Variants in CPVL observed in about 807,000 individuals in gnomAD.
CPVL encodes the protein carboxypeptidase vitellogenic like, also known as probable serine carboxypeptidase CPVL.
Under a neutral mutation model 63.7 loss-of-function variants are expected in CPVL, and 51 were observed. That is an observed-to-expected ratio of 0.80 (90% CI 0.64 to 1.01). CPVL has a LOEUF of 1.01. Ranked by LOEUF, CPVL falls within the 50% of genes least tolerant of loss-of-function variation. CPVL has a pLI of 0.00. For synonymous variants in CPVL, 195 were observed against 206.0 expected, an observed-to-expected ratio of 0.95 and a Z score of 0.46; for missense variants, 530 against 573.1, an observed-to-expected ratio of 0.92 and a Z score of 0.77.
At chr7:29,140,067 T>C (rs1372644217) in intron 1 of CPVL, among the ~76,000 whole-genome samples, 3 of 152,142 alleles carry the variant, frequency 2.0e-5, no homozygotes, top group Non-Finnish European at 2.9e-5. Flanking sequence ...CATATGAGCT[T>C]TTCCCTAGCC....
At chr7:29,049,694 C>G (rs1367262930) in intron 11 of CPVL, among the ~76,000 whole-genome samples, 1 of 151,976 alleles carries the variant, frequency 6.6e-6, no homozygotes, top group African/African-American at 2.4e-5. Flanking sequence ...ATACCAAAAC[C>G]AGGAAAGGAC....
chr7:29,058,894 C>T (rs1791004386), intron 11 of CPVL, among the ~76,000 whole-genome samples: 1 of 151,898 alleles, frequency 6.6e-6, no homozygotes, highest in Admixed American at 6.6e-5. Context: ...TTTGTTTTGG[C>T]ATTTATCTGA....
At chr7:29,070,245 GA>G (rs370561849) in intron 9 of CPVL, among the ~76,000 whole-genome samples, 81 of 152,242 alleles carry the variant, frequency 5.3e-4, no homozygotes, top group African/African-American at 1.9e-3. Flanking sequence ...CATTATCTCT[GA>G]ATACACAACA....
intron 5 of CPVL, among the ~76,000 whole-genome samples, chr7:29,094,209 C>T (rs531195742): frequency 2.0e-4 from 30 of 152,106 alleles, no homozygotes; most frequent in South Asian, 1.5e-3. Context: ...GGCATGGTGG[C>T]GCAAGTCTGT....
intron 11 of CPVL, among the ~76,000 whole-genome samples, chr7:29,039,499 A>C (rs958264339): frequency 1.3e-5 from 2 of 152,234 alleles, no homozygotes; most frequent in African/African-American, 4.8e-5. Context: ...AGGTGAAAAA[A>C]GAACTCTGTG....
At chr7:29,046,568 C>T (rs1484835996) in intron 11 of CPVL, among the ~76,000 whole-genome samples, 1 of 6,912 alleles carries the variant, frequency 1.4e-4, no homozygotes, top group South Asian at 2.5e-3. Flanking sequence ...TGCGCGCGTG[C>T]ACACACACAC....
At chr7:29,042,458 A>T (rs1343031669) in intron 11 of CPVL, among the ~76,000 whole-genome samples, 1 of 152,054 alleles carries the variant, frequency 6.6e-6, no homozygotes. Flanking sequence ...TAAAAAAATC[A>T]GCCAAGCACA....
chr7:28,995,885 TA>T lies in CPVL; in HGVS notation c.1321-4del. On this transcript the variant is annotated splice_region_variant and splice_polypyrimidine_tract_variant and intron_variant, in intron 12 of 12. Transcript: ENST00000265394. ...TGTCCTCCACCTCGAATAATTACCT[TA>T]AAAAGAAAAAGTAAAAGAACGGAAA... is the stretch of plus-strand genomic sequence containing the variant. 1 of 1,533,232 alleles carries T rather than the reference TA, an allele frequency of 6.5e-7. No individual in the cohort carries two copies. The highest frequency in any genetic ancestry group is 8.9e-7 in the Non-Finnish European group (1 of 1,129,614). 95.0% of individuals were successfully genotyped at this position (1,533,232 alleles called of 1,614,324 possible).
upstream of CPVL, among the ~76,000 whole-genome samples, chr7:29,147,712 CT>C (rs1183730544): frequency 2.0e-5 from 3 of 152,042 alleles, no homozygotes; most frequent in Non-Finnish European, 4.4e-5. Flanking sequence ...GAAAATAATT[CT>C]TTTAAGGCCA....
intron 7 of CPVL, among the ~76,000 whole-genome samples, chr7:29,082,163 T>C (rs1038059132): frequency 2.6e-5 from 4 of 151,782 alleles, no homozygotes; most frequent in Middle Eastern, 3.2e-3. Context: ...TTTTTTTGTG[T>C]GGTGGCAGCA....
chr7:29,120,886 T>C lies in CPVL; in HGVS notation c.169+7A>G. 1 of 1,609,726 alleles carries C rather than the reference T, an allele frequency of 6.2e-7. No individual in the cohort carries two copies. The highest frequency in any genetic ancestry group is 8.5e-7 in the Non-Finnish European group (1 of 1,177,526). On this transcript the variant is annotated splice_region_variant and intron_variant, in intron 2 of 12. Transcript: ENST00000265394. ...AGTGGTTTTCTGATTTAATTAAACT[T>C]ACTTACCTTTTTGGATCTTCCCAGC... is the stretch of plus-strand genomic sequence containing the variant.
At chr7:29,093,426 A>AGG (rs1313939789) in intron 5 of CPVL, among the ~76,000 whole-genome samples, 1 of 151,554 alleles carries the variant, frequency 6.6e-6, no homozygotes, top group Admixed American at 6.6e-5. Context: ...CTGAAGAAAA[A>AGG]GGTAGTTGTA....
At chr7:29,137,580 G>A (rs1214590114) in intron 1 of CPVL, among the ~76,000 whole-genome samples, 1 of 152,152 alleles carries the variant, frequency 6.6e-6, no homozygotes, top group Non-Finnish European at 1.5e-5. Flanking sequence ...ACAACTGCCG[G>A]CATTCACCTG....
chr7:29,060,775 A>G (rs1227882170), intron 11 of CPVL, among the ~76,000 whole-genome samples: 1 of 152,204 alleles, frequency 6.6e-6, no homozygotes, highest in Non-Finnish European at 1.5e-5. Flanking sequence ...TGAACCCAGT[A>G]CTGGAAAAAG....
At chr7:29,089,885 G>A (rs905956478) in intron 6 of CPVL, among the ~76,000 whole-genome samples, 1 of 149,742 alleles carries the variant, frequency 6.7e-6, no homozygotes, top group African/African-American at 2.5e-5. Flanking sequence ...TAATTGAGAT[G>A]GAGTTTCGCT....
At chr7:29,031,823 A>G (rs1191675625) in intron 11 of CPVL, among the ~76,000 whole-genome samples, 1 of 152,216 alleles carries the variant, frequency 6.6e-6, no homozygotes, top group Non-Finnish European at 1.5e-5. Context: ...ACCATGATGC[A>G]ATGTGGGAAA....
At chr7:29,187,885 T>C (rs1277676963) in intron 1 of CPVL, among the ~76,000 whole-genome samples, 1 of 152,208 alleles carries the variant, frequency 6.6e-6, no homozygotes, top group Admixed American at 6.5e-5. Flanking sequence ...TACATAAATA[T>C]GAGGTATATT....
chr7:29,087,444 A>AG (rs1785328210), intron 6 of CPVL, among the ~76,000 whole-genome samples: 1 of 151,480 alleles, frequency 6.6e-6, no homozygotes, highest in African/African-American at 2.4e-5. Flanking sequence ...AAAAAAAAAA[A>AG]GAATGCCAAT....
intron 5 of CPVL, among the ~76,000 whole-genome samples, chr7:29,168,815 T>G (rs1051674026): frequency 6.6e-6 from 1 of 152,380 alleles, no homozygotes; most frequent in East Asian, 1.9e-4. Flanking sequence ...TGTTTAGACA[T>G]GTACTACTAA....
Sources: allele counts gnomAD v4.1 joint callset (sites outside exome capture counted in the v4.1 genomes callset), GRCh38; gene constraint gnomAD v4.1.1; transcripts MANE v1.5; gene names NCBI Gene and HGNC (gene_info 2026-07-23, HGNC 2026-07-21).